Variants in LDLRAD3 observed in about 807,000 individuals in gnomAD.
LDLRAD3 encodes the protein low-density lipoprotein receptor class A domain-containing protein 3.
Under a neutral mutation model 29.4 loss-of-function variants are expected in LDLRAD3, and 20 were observed. The ratio of observed to expected loss-of-function variants is 0.68; its 90% CI spans 0.48 to 0.99. The LOEUF (loss-of-function observed/expected upper bound fraction) is 0.99. LDLRAD3 is among the 50% of genes least tolerant of loss of function. The probability of loss-of-function intolerance (pLI) is 0.00; values close to 1 mark genes in which losing one functional copy is unlikely to be tolerated. For missense variants in LDLRAD3, 420 were observed against 454.3 expected (o/e 0.92, Z 0.69); for synonymous variants, 157 against 192.7 (o/e 0.81, Z 1.53).
chr11:36,139,783 T>A (rs1018184360), intron 4 of LDLRAD3, among the ~76,000 whole-genome samples: 1 of 152,110 alleles, frequency 6.6e-6, no homozygotes, highest in African/African-American at 2.4e-5. Flanking sequence ...GGTGAAGGGA[T>A]AGCGTGGGAG....
At chr11:36,192,560 G>A (rs1854970176) in intron 4 of LDLRAD3, among the ~76,000 whole-genome samples, 1 of 152,170 alleles carries the variant, frequency 6.6e-6, no homozygotes, top group African/African-American at 2.4e-5. Context: ...CCGCTTTGTG[G>A]GGTAAGTTAT....
At chr11:36,005,656 C>G (rs777751765) in intron 1 of LDLRAD3, among the ~76,000 whole-genome samples, 1 of 152,206 alleles carries the variant, frequency 6.6e-6, no homozygotes, top group Non-Finnish European at 1.5e-5. Flanking sequence ...CAGTGCCCCA[C>G]TCCTGGTACC....
intron 4 of LDLRAD3, among the ~76,000 whole-genome samples, chr11:36,166,351 G>A (rs901454589): frequency 6.6e-6 from 1 of 152,148 alleles, no homozygotes; most frequent in Non-Finnish European, 1.5e-5. Flanking sequence ...CGGCATGGCA[G>A]TGCCTCTCAG....
At chr11:36,181,146 T>A (rs1854756503) in intron 4 of LDLRAD3, among the ~76,000 whole-genome samples, 1 of 151,968 alleles carries the variant, frequency 6.6e-6, no homozygotes, top group Non-Finnish European at 1.5e-5. Context: ...TAAAATGTAT[T>A]AACTGCTGGC....
intron 1 of LDLRAD3, among the ~76,000 whole-genome samples, chr11:35,975,848 TAGA>T (rs1189068080): frequency 1.3e-5 from 2 of 149,524 alleles, no homozygotes; most frequent in African/African-American, 5.0e-5. Context: ...TTTTTTTTTT[TAGA>T]AGAAGGGTGT....
chr11:36,191,570 C>CTATATATA (rs1406416790), intron 4 of LDLRAD3, among the ~76,000 whole-genome samples: 1 of 78,316 alleles, frequency 1.3e-5, no homozygotes, highest in Non-Finnish European at 2.4e-5. Flanking sequence ...CTCTCTCTCT[C>CTATATATA]TCTCTCTATA....
At chr11:36,117,027 G>A (rs949311617) in intron 4 of LDLRAD3, among the ~76,000 whole-genome samples, 3 of 151,966 alleles carry the variant, frequency 2.0e-5, no homozygotes, top group African/African-American at 7.3e-5. Context: ...TTTTTATAGA[G>A]GTGGGGTTTC....
chr11:36,129,288 G>A (rs982644324), intron 4 of LDLRAD3, among the ~76,000 whole-genome samples: 1 of 152,200 alleles, frequency 6.6e-6, no homozygotes, highest in Admixed American at 6.5e-5. Context: ...GATTTGGCTT[G>A]CAACTGTCGA....
At chr11:36,174,778 G>T (rs1189740314) in intron 4 of LDLRAD3, among the ~76,000 whole-genome samples, 1 of 152,236 alleles carries the variant, frequency 6.6e-6, no homozygotes, top group Non-Finnish European at 1.5e-5. Context: ...TCAGGAGATC[G>T]AGACCATCCT....
chr11:36,156,468 G>A (rs2133333014), intron 4 of LDLRAD3, among the ~76,000 whole-genome samples: 1 of 152,336 alleles, frequency 6.6e-6, no homozygotes, highest in South Asian at 2.1e-4. Context: ...TTGTTAGCAT[G>A]AGCTGAAAGA....
In LDLRAD3 at chr11:36,020,009, C is replaced by T. The variant is rs117223210; in HGVS notation, c.47-16094C>T. 2.0e-4 allele frequency among the ~76,000 whole-genome samples: 31 copies of T among 152,226 alleles called. No homozygotes were observed. The East Asian group carries it at 3.1e-3, about 15-fold the overall frequency. ...TGTGGGCATGGGTCATCACAGAATG[C>T]TGGGTTTGTCTATGGGCAGCTGTGT... On this transcript the variant is annotated intron_variant, in intron 1 of 5. Coordinates refer to ENST00000315571, the MANE Select transcript of LDLRAD3 (RefSeq NM_174902.4).
At chr11:36,017,431 C>G (rs1852037009) in intron 1 of LDLRAD3, among the ~76,000 whole-genome samples, 1 of 152,186 alleles carries the variant, frequency 6.6e-6, no homozygotes, top group South Asian at 2.1e-4. Flanking sequence ...TTACTCTTGA[C>G]TGGTCAACTT....
intron 4 of LDLRAD3, among the ~76,000 whole-genome samples, chr11:36,220,260 T>C (rs529150352): frequency 3.3e-5 from 5 of 152,274 alleles, no homozygotes; most frequent in African/African-American, 1.2e-4. Context: ...GGAAATGCTA[T>C]AGCAACTTTG....
In LDLRAD3 at chr11:35,944,185, G is replaced by T. The variant is rs1164292379; in HGVS notation, c.46+41G>T. The T allele has an allele frequency of 3.8e-5, 36 of 953,126 alleles. No homozygotes were observed. The highest frequency in any genetic ancestry group is 1.1e-3 in the Middle Eastern group (2 of 1,904). The allele number at this position is 953,126 out of a possible 1,614,324, so 59.0% of individuals were successfully genotyped here. On this transcript the variant is annotated intron_variant, in intron 1 of 5. Transcript: ENST00000315571. This position sits in a 1 kb window ranked among gnomAD's most constrained non-coding sequence, Gnocchi z 4.9. ...GCCGGCGAACTTCCCGCGGGGCGCG[G>T]GGCGCGGGGCGCGGGGCGCAGCGGC...
chr11:36,004,375 T>A (rs1370747068), intron 1 of LDLRAD3, among the ~76,000 whole-genome samples: 1 of 152,164 alleles, frequency 6.6e-6, no homozygotes, highest in Non-Finnish European at 1.5e-5. Context: ...AGGGCAGTCA[T>A]TAAATCTTAA....
intron 4 of LDLRAD3, among the ~76,000 whole-genome samples, chr11:36,109,274 G>T (rs1853574338): frequency 6.6e-6 from 1 of 152,094 alleles, no homozygotes; most frequent in African/African-American, 2.4e-5. Flanking sequence ...GTCCGTGGTG[G>T]CCTGCGTGGA....
chr11:36,086,951 C>A (rs1342772283), intron 3 of LDLRAD3, among the ~76,000 whole-genome samples: 1 of 152,148 alleles, frequency 6.6e-6, no homozygotes, highest in Non-Finnish European at 1.5e-5. Flanking sequence ...GAATACGCAT[C>A]ACCATTATGA....
chr11:36,183,942 CT>C, intron 4 of LDLRAD3: 1 of 280,238 alleles, frequency 3.6e-6, no homozygotes, highest in Non-Finnish European at 6.9e-6. Context: ...CTATTTGGTT[CT>C]TTTTCCAAAT....
intron 1 of LDLRAD3, among the ~76,000 whole-genome samples, chr11:36,003,573 A>G (rs1189303593): frequency 6.6e-6 from 1 of 152,220 alleles, no homozygotes; most frequent in Non-Finnish European, 1.5e-5. Context: ...GGGACGGAGC[A>G]TCATGTTAGT....
Sources: gnomAD v4.1 joint callset for allele counts (sites outside exome capture counted in the v4.1 genomes callset) on GRCh38, gnomAD v4.1.1 for gene constraint, Gnocchi (gnomAD v3.1) non-coding constraint, MANE v1.5 for transcripts, NCBI Gene and HGNC (gene_info 2026-07-23, HGNC 2026-07-21) for gene names.